Variants in MARCHF8 observed in about 807,000 individuals in gnomAD.
The protein encoded by MARCHF8 is membrane associated ring-CH-type finger 8.
MARCHF8 carries 40 observed loss-of-function variants against 51.6 expected under a neutral mutation model. The ratio of observed to expected loss-of-function variants is 0.77; its 90% CI spans 0.60 to 1.01. MARCHF8 has a LOEUF of 1.01. Among genes scored for constraint, MARCHF8 ranks in the 50% least tolerant of loss-of-function variants. The pLI, the probability that MARCHF8 is intolerant of heterozygous loss-of-function variation, is 0.00. For missense variants in MARCHF8, 685 were observed against 708.6 expected (o/e 0.97, Z 0.38); for synonymous variants, 263 against 280.3 (o/e 0.94, Z 0.62).
In MARCHF8 at chr10:45,463,249, G is replaced by C; in HGVS notation, c.990C>G (p.Leu330=). The change falls in exon 5 of 8, where the codon CTC becomes CTG. Residue 330 remains leucine, a synonymous_variant. Coordinates refer to ENST00000453424, the MANE Select transcript of MARCHF8 (RefSeq NM_001282866.2). The part of the protein sequence containing the change: ...KLKSRVLRAP[L]CSTEKDSDLD... ...GGTCGCTGTCCTTTTCCGTGGAGCA[G>C]AGGGGCGCCCGCAGAACCCTACTCT... 1.9e-6 allele frequency: 3 copies of C among 1,550,900 alleles called. No homozygotes were observed. The highest frequency in any genetic ancestry group is 2.6e-6 in the Non-Finnish European group (3 of 1,147,080).
chr10:45,567,675 T>C (rs2044380356), intron 1 of MARCHF8, among the ~76,000 whole-genome samples: 1 of 152,204 alleles, frequency 6.6e-6, no homozygotes, highest in African/African-American at 2.4e-5. Context: ...CATGCTGTTT[T>C]GGTTACTGTA....
At chr10:45,556,772 GA>G (rs2044255837) in intron 1 of MARCHF8, among the ~76,000 whole-genome samples, 1 of 152,130 alleles carries the variant, frequency 6.6e-6, no homozygotes, top group Admixed American at 6.6e-5. Flanking sequence ...TTAAATGAAC[GA>G]ATTCTGTTTG....
At chr10:45,464,459 T>G (rs957349387) in intron 3 of MARCHF8, 132 bp from the exon 4 acceptor site, 2 of 717,818 alleles carry the variant, frequency 2.8e-6, no homozygotes, top group Admixed American at 4.4e-5. Flanking sequence ...TAACACATAT[T>G]AGATCCTTCT....
At position 45,458,521 on chromosome 10, in the gene MARCHF8, C is replaced by A; in HGVS notation, c.1440G>T (p.Trp480Cys). ...CGATGGCCACAACCACCAATTTAGT[C>A]CAAAAGGGCCATTCTAGGATTCCTG... ...QATGILEWPF[W>C]TKLVVVAIGF... Residue 480 changes from tryptophan (W) to cysteine (C), a missense_variant, in exon 8 of 8, where the codon TGG becomes TGT. Trp to Cys is a radical substitution (Grantham distance 215, BLOSUM62 -2). Coordinates refer to ENST00000453424, the MANE Select transcript of MARCHF8 (RefSeq NM_001282866.2). 2.5e-6 allele frequency: 4 copies of A among 1,597,118 alleles called. No individual in the cohort carries two copies. The highest frequency in any genetic ancestry group is 3.4e-6 in the Non-Finnish European group (4 of 1,172,552).
chr10:45,586,554 TCAAA>T (rs1436161504), intron 1 of MARCHF8, among the ~76,000 whole-genome samples: 6 of 152,280 alleles, frequency 3.9e-5, no homozygotes, highest in African/African-American at 1.4e-4. Context: ...TAGGAAACTG[TCAAA>T]CAGTTTTCCA....
chr10:45,460,713 T>C (rs1055354820), intron 6 of MARCHF8, among the ~76,000 whole-genome samples: 1 of 152,144 alleles, frequency 6.6e-6, no homozygotes, highest in African/African-American at 2.4e-5. Context: ...TGCCTGTGGG[T>C]CCTTTCTGAA....
At chr10:45,506,234 T>TA (rs1169869297) in intron 2 of MARCHF8, among the ~76,000 whole-genome samples, 2 of 152,116 alleles carry the variant, frequency 1.3e-5, no homozygotes, top group Non-Finnish European at 2.9e-5. Flanking sequence ...CAAGTTCACA[T>TA]AAAAAAAGCA....
At chr10:45,533,045 T>C in intron 2 of MARCHF8, 65 bp downstream of exon 2, 1 of 1,349,372 alleles carries the variant, frequency 7.4e-7, no homozygotes, top group South Asian at 1.6e-5. Context: ...TAAGCACTGT[T>C]CTAGGTCATC....
intron 2 of MARCHF8, among the ~76,000 whole-genome samples, chr10:45,522,908 C>T (rs1211588690): frequency 6.6e-6 from 1 of 152,060 alleles, no homozygotes; most frequent in African/African-American, 2.4e-5. Flanking sequence ...CAACACGTGG[C>T]CCCCCAAGTG....
intron 5 of MARCHF8, 145 bp from the exon 6 acceptor site, chr10:45,461,556 A>C: frequency 3.7e-6 from 2 of 545,962 alleles, no homozygotes; most frequent in Non-Finnish European, 5.6e-6. Context: ...ACAAACACAA[A>C]CGAAAACAAT....
intron 2 of MARCHF8, among the ~76,000 whole-genome samples, chr10:45,505,640 A>G (rs928516347): frequency 3.3e-5 from 5 of 152,242 alleles, no homozygotes; most frequent in Non-Finnish European, 4.4e-5. Context: ...AGGTGATTCT[A>G]TCCTATTCAA....
intron 1 of MARCHF8, among the ~76,000 whole-genome samples, chr10:45,578,455 TA>T (rs2044514362): frequency 6.6e-6 from 1 of 152,042 alleles, no homozygotes; most frequent in African/African-American, 2.4e-5. Context: ...ATTGAACAAA[TA>T]AATAAATGGG....
At chr10:45,501,294 A>C (rs1375368218) in intron 2 of MARCHF8, among the ~76,000 whole-genome samples, 2 of 152,176 alleles carry the variant, frequency 1.3e-5, no homozygotes, top group Non-Finnish European at 2.9e-5. Flanking sequence ...ATACAGCCAG[A>C]GTAATCACTA....
intron 1 of MARCHF8, among the ~76,000 whole-genome samples, chr10:45,577,034 T>A (rs1394531744): frequency 6.7e-6 from 1 of 150,346 alleles, no homozygotes; most frequent in Non-Finnish European, 1.5e-5. Context: ...GAGGACTTTA[T>A]GAGGTGATTA....
rs532072283 is a variant in MARCHF8, at chr10:45,463,268, C to T, written c.971G>A (p.Arg324Lys). The change falls in exon 5 of 8, where the codon AGG becomes AAG. Residue 324 changes from arginine to lysine, a missense_variant. Coordinates refer to ENST00000453424, the MANE Select transcript of MARCHF8 (RefSeq NM_001282866.2). ...GGAGCAGAGGGGCGCCCGCAGAACC[C>T]TACTCTTCAGTTTTGCAGATGTGCT... ...EDSTSAKLKS[R>K]VLRAPLCSTE... The T allele has an allele frequency of 6.4e-7, 1 of 1,550,944 alleles. No homozygotes were observed. Among genetic ancestry groups the T allele is most frequent in the Non-Finnish European group, 8.7e-7 (1 of 1,147,078 alleles).
chr10:45,517,429 GT>G (rs1286151219), intron 2 of MARCHF8, among the ~76,000 whole-genome samples: 1 of 152,168 alleles, frequency 6.6e-6, no homozygotes, highest in Non-Finnish European at 1.5e-5. Context: ...CTCAGGAATG[GT>G]TTTTACCACC....
intron 2 of MARCHF8, among the ~76,000 whole-genome samples, chr10:45,527,059 T>C (rs143809618): frequency 6.6e-6 from 1 of 152,174 alleles, no homozygotes; most frequent in African/African-American, 2.4e-5. Flanking sequence ...AGTTTAAAAA[T>C]TTTTTAAACA....
At chr10:45,565,503 T>C (rs1372680312) in intron 1 of MARCHF8, among the ~76,000 whole-genome samples, 1 of 152,048 alleles carries the variant, frequency 6.6e-6, no homozygotes, top group Admixed American at 6.6e-5. Flanking sequence ...AACTGTGTTA[T>C]TGCAATTCTT....
At chr10:45,502,830 A>G (rs35918870) in intron 2 of MARCHF8, among the ~76,000 whole-genome samples, 9,373 of 152,266 alleles carry the variant, frequency 0.062, 329 homozygotes, top group Non-Finnish European at 0.066. Flanking sequence ...AACAATGTGT[A>G]TATCAGCAAT....
Sources: gnomAD v4.1 joint callset for allele counts (sites outside exome capture counted in the v4.1 genomes callset) on GRCh38, gnomAD v4.1.1 for gene constraint, MANE v1.5 for transcripts, NCBI Gene and HGNC (gene_info 2026-07-23, HGNC 2026-07-21) for gene names.